Variants in DYNC1I2 observed in about 807,000 individuals in gnomAD.
The protein encoded by DYNC1I2 is dynein cytoplasmic 1 intermediate chain 2, also known as cytoplasmic dynein 1 intermediate chain 2.
DYNC1I2 carries 53 observed loss-of-function variants against 88.6 expected under a neutral mutation model. That is an observed-to-expected ratio of 0.60 (90% CI 0.48 to 0.75). The LOEUF is 0.75. Ranked by LOEUF, DYNC1I2 falls within the 30% of genes least tolerant of loss-of-function variation. The probability of loss-of-function intolerance (pLI) is 0.00; values close to 1 mark genes in which losing one functional copy is unlikely to be tolerated. For missense variants in DYNC1I2, 458 were observed against 766.6 expected, an observed-to-expected ratio of 0.60 and a Z score of 4.75; for synonymous variants, 198 against 254.6, an observed-to-expected ratio of 0.78 and a Z score of 2.12.
chr2:171,745,821 C>A lies in DYNC1I2; in HGVS notation c.1697C>A (p.Ser566Tyr), dbSNP rs1487064960. The A allele has an allele frequency of 6.2e-7, 1 of 1,613,430 alleles. No individual in the cohort carries two copies. The highest frequency in any genetic ancestry group is 8.5e-7 in the Non-Finnish European group (1 of 1,179,554). The change falls in exon 17 of 18, where the codon TCT becomes TAT. Residue 566 changes from serine to tyrosine, a missense_variant. Ser to Tyr is a moderately radical substitution (Grantham distance 144). Around this residue, in one of 5 missense-constraint regions of DYNC1I2, gnomAD observed 188 missense variants for 300.4 expected, o/e 0.63. Transcript: ENST00000397119. ...NDTEVPTASISVEGNPALNRV... is the reference protein window; with the variant it reads ...NDTEVPTASIYVEGNPALNRV... ...CTTTAGGTACCAACTGCCAGCATTT[C>A]TGTGGAGGGTAATCCTGCTCTTAAT...
chr2:171,723,244 G>A (rs186578815), intron 7 of DYNC1I2, among the ~76,000 whole-genome samples: 102 of 152,276 alleles, frequency 6.7e-4, no homozygotes, highest in African/African-American at 2.4e-3. Context: ...TAAGATGTGG[G>A]TAGGAGGCTG....
chr2:171,702,773 A>C (rs1038966934), intron 3 of DYNC1I2, among the ~76,000 whole-genome samples: 1 of 151,178 alleles, frequency 6.6e-6, no homozygotes, highest in Non-Finnish European at 1.5e-5. Flanking sequence ...TTCAGGTTGG[A>C]GTACAGTGGC....
At chr2:171,690,285 A>G (rs1313676253) in intron 2 of DYNC1I2, 22 bp downstream of exon 2, 17 of 1,495,602 alleles carry the variant, frequency 1.1e-5, no homozygotes, top group Non-Finnish European at 1.4e-5. Flanking sequence ...TTTTTTGCTT[A>G]AATAAACAAC....
chr2:171,707,288 C>A lies in DYNC1I2; in HGVS notation c.246C>A (p.Val82=), dbSNP rs763119437. 1 of 1,613,690 alleles carries A rather than the reference C, an allele frequency of 6.2e-7. No individual in the cohort carries two copies. Among genetic ancestry groups the A allele is most frequent in the East Asian group, 2.2e-5 (1 of 44,874 alleles). ...ESPIVFSEYW[V]PPPMSPSSKS... is the part of the protein sequence containing the mutation. The stretch of plus-strand genomic sequence containing the variant: ...ATACCTGTCTATTTCACTATTTAGT[C>A]CCTCCTCCTATGTCTCCATCCTCCA... The change falls in exon 5 of 18, where the codon GTC becomes GTA. Residue 82 remains valine, a splice_region_variant and synonymous_variant. Coordinates refer to ENST00000397119, the MANE Select transcript of DYNC1I2 (RefSeq NM_001378.3).
At chr2:171,704,893 T>A (rs1020421732) in intron 3 of DYNC1I2, among the ~76,000 whole-genome samples, 1 of 152,192 alleles carries the variant, frequency 6.6e-6, no homozygotes, top group Non-Finnish European at 1.5e-5. Flanking sequence ...TTCCTCCTTT[T>A]GTAATGATAG....
intron 7 of DYNC1I2, among the ~76,000 whole-genome samples, chr2:171,723,760 C>T (rs1465504794): frequency 6.6e-6 from 1 of 152,152 alleles, no homozygotes; most frequent in Non-Finnish European, 1.5e-5. Context: ...ACTAAGAATT[C>T]TTTTACGTGT....
At chr2:171,719,378 A>G (rs949704883) in intron 7 of DYNC1I2, among the ~76,000 whole-genome samples, 7 of 152,236 alleles carry the variant, frequency 4.6e-5, no homozygotes, top group Non-Finnish European at 8.8e-5. Flanking sequence ...GGAAAGAGAA[A>G]AACCTTGAAA....
At chr2:171,728,216 A>G (rs574262850) in intron 12 of DYNC1I2, 89 bp from the exon 13 acceptor site, 28 of 807,570 alleles carry the variant, frequency 3.5e-5, no homozygotes, top group Non-Finnish European at 4.8e-5. Flanking sequence ...ATGAGACTCG[A>G]TAATAAACAG....
intron 7 of DYNC1I2, among the ~76,000 whole-genome samples, chr2:171,723,373 G>A (rs1196088782): frequency 6.6e-6 from 1 of 152,098 alleles, no homozygotes; most frequent in Non-Finnish European, 1.5e-5. Context: ...TAGGATAACT[G>A]GTAGCATTAG....
chr2:171,729,222 C>A (rs190190737), intron 14 of DYNC1I2, among the ~76,000 whole-genome samples: 1 of 152,202 alleles, frequency 6.6e-6, no homozygotes, highest in East Asian at 1.9e-4. Context: ...TTAGTTCATT[C>A]TCCTGATAAT....
chr2:171,723,763 T>C (rs934043546), intron 7 of DYNC1I2, among the ~76,000 whole-genome samples: 1 of 152,178 alleles, frequency 6.6e-6, no homozygotes, highest in African/African-American at 2.4e-5. Flanking sequence ...AAGAATTCTT[T>C]TACGTGTTCT....
chr2:171,698,735 G>GGTGGGCGCCTGTGGTCCTAGCTACT (rs1685975871), intron 3 of DYNC1I2, among the ~76,000 whole-genome samples: 1 of 152,022 alleles, frequency 6.6e-6, no homozygotes, highest in South Asian at 2.1e-4. Context: ...CGAGTGTGGT[G>GGTGGGCGCCTGTGGTCCTAGCTACT]GTGGGCGCCT....
At chr2:171,724,335 C>A (rs2105670265) in intron 7 of DYNC1I2, among the ~76,000 whole-genome samples, 1 of 152,302 alleles carries the variant, frequency 6.6e-6, no homozygotes, top group East Asian at 1.9e-4. Flanking sequence ...GGCCTACAAG[C>A]TGCATTTTGT....
chr2:171,707,453 A>G, intron 5 of DYNC1I2, 76 bp downstream of exon 5: 1 of 1,294,778 alleles, frequency 7.7e-7, no homozygotes, highest in Non-Finnish European at 1.0e-6. Context: ...CTTTAAAGGG[A>G]CTCTAAATAG....
intron 11 of DYNC1I2, among the ~76,000 whole-genome samples, 153 bp from the exon 12 acceptor site, chr2:171,727,668 A>G (rs1688339876): frequency 6.6e-6 from 1 of 152,192 alleles, no homozygotes; most frequent in Non-Finnish European, 1.5e-5. Context: ...TTTCTGAAAC[A>G]GTGAAAACTT....
chr2:171,712,937 CAA>C (rs1687223835), intron 6 of DYNC1I2, 111 bp downstream of exon 6: 9 of 902,838 alleles, frequency 1.0e-5, no homozygotes, highest in Non-Finnish European at 1.6e-5. Flanking sequence ...GTAGTAAGGA[CAA>C]GAGTTATATT....
At chr2:171,708,625 TTTTTATAGGGTTA>T (rs1686864676) in intron 5 of DYNC1I2, among the ~76,000 whole-genome samples, 1 of 152,182 alleles carries the variant, frequency 6.6e-6, no homozygotes, top group African/African-American at 2.4e-5. Context: ...TGTAAATTCA[TTTTTATAGGGTTA>T]AAATTTTTTT....
chr2:171,717,446 A>G (rs1687586031), intron 7 of DYNC1I2, among the ~76,000 whole-genome samples: 1 of 152,006 alleles, frequency 6.6e-6, no homozygotes, highest in African/African-American at 2.4e-5. Context: ...GACCATGTAG[A>G]TGTTCTGTAT....
chr2:171,708,698 A>AT (rs1468484060), intron 5 of DYNC1I2, among the ~76,000 whole-genome samples: 1 of 151,102 alleles, frequency 6.6e-6, no homozygotes, highest in African/African-American at 2.4e-5. Context: ...TTATTCCTTT[A>AT]TTTTTTATTT....
Sources: gnomAD v4.1 joint callset for allele counts (sites outside exome capture counted in the v4.1 genomes callset) on GRCh38, gnomAD v4.1.1 for gene constraint, gnomAD v4.1.1 regional missense constraint, MANE v1.5 for transcripts, NCBI Gene and HGNC (gene_info 2026-07-23, HGNC 2026-07-21) for gene names.